COG6: variants seen among roughly 807,000 people sequenced by gnomAD.
COG6 encodes conserved oligomeric Golgi complex subunit 6.
COG6 carries 74 observed loss-of-function variants against 88.8 expected under a neutral mutation model. The observed-to-expected ratio is 0.83, with a 90% CI of 0.69 to 1.01. COG6 has a LOEUF of 1.01. COG6 is among the 50% of genes least tolerant of loss of function. The pLI, the probability that COG6 is intolerant of heterozygous loss-of-function variation, is 0.00. For missense variants in COG6, 800 were observed against 797.9 expected (o/e 1.00, Z -0.03); for synonymous variants, 286 against 278.7 (o/e 1.03, Z -0.26).
intron 18 of COG6, among the ~76,000 whole-genome samples, chr13:39,746,864 C>T (rs371503385): frequency 3.3e-5 from 5 of 151,968 alleles, no homozygotes; most frequent in South Asian, 2.1e-4. Context: ...ATAACTGATA[C>T]GCTTTTATAA....
rs530483381 is a variant in COG6 at position 39,679,999 on chromosome 13, C to T, written c.648C>T (p.Ala216=). The change falls in exon 7 of 19, where the codon GCC becomes GCT. Residue 216 remains alanine (A), a synonymous_variant. Coordinates refer to ENST00000455146, the MANE Select transcript of COG6 (RefSeq NM_020751.3). The stretch of plus-strand genomic sequence containing the variant: ...GTTTAGAAATTATGGAACAGATGGC[C>T]TTACTTCAAGAAACGGCTTATGAAA... The part of the protein sequence containing the change: ...TAGLEIMEQM[A]LLQETAYERL... 3 of 1,581,766 alleles carry T rather than the reference C, an allele frequency of 1.9e-6. No homozygotes were observed. The highest frequency in any genetic ancestry group is 1.1e-5 in the South Asian group (1 of 89,268).
At chr13:39,724,483 C>CCTTTT in intron 16 of COG6, 25 bp from the exon 17 acceptor site, 4 of 1,283,438 alleles carry the variant, frequency 3.1e-6, no homozygotes, top group Non-Finnish European at 3.2e-6. Flanking sequence ...CTTGGATCTG[C>CCTTTT]TTTTTTTTTT....
At chr13:39,772,057 G>C (rs189297354) in intron 18 of COG6, among the ~76,000 whole-genome samples, 16 of 152,322 alleles carry the variant, frequency 1.1e-4, no homozygotes, top group African/African-American at 2.9e-4. Context: ...GCAAGGCCCT[G>C]TCCTGCTGGT....
intron 3 of COG6, among the ~76,000 whole-genome samples, chr13:39,661,468 A>G (rs1443527780): frequency 6.6e-6 from 1 of 152,124 alleles, no homozygotes; most frequent in Non-Finnish European, 1.5e-5. Flanking sequence ...TTATATCTCT[A>G]AGTGTCTCTT....
At chr13:39,788,494 T>C in exon 19 of COG6, 1 of 739,174 alleles carries the variant, frequency 1.4e-6, no homozygotes, top group South Asian at 1.8e-5. Context: ...CTGTCTACTC[T>C]GTGACTCTTC....
intron 13 of COG6, among the ~76,000 whole-genome samples, chr13:39,706,279 T>TATATATATATATA (rs1877917992): frequency 7.8e-5 from 4 of 51,298 alleles, no homozygotes; most frequent in South Asian, 9.3e-4. Context: ...ATATATATAT[T>TATATATATATATA]TAAATATATA....
At position 39,752,506 on chromosome 13, in the gene COG6, G is replaced by C; in HGVS notation, c.*1413G>C. 8.6e-7 allele frequency: 1 copy of C among 1,157,092 alleles called. No homozygotes were observed. 71.7% of individuals were successfully genotyped at this position (1,157,092 alleles called of 1,614,324 possible). On this transcript the variant is annotated 3_prime_UTR_variant, in exon 19 of 19. Transcript: ENST00000455146. Reference sequence around the variant, plus strand: ...AAAGTATAAATCAAGAGCTTAAATTGTATATAATTTATTTCTACAGAGAAA... The same window carrying C: ...AAAGTATAAATCAAGAGCTTAAATTCTATATAATTTATTTCTACAGAGAAA...
At chr13:39,732,722 A>G (rs1313428853) in intron 18 of COG6, among the ~76,000 whole-genome samples, 1 of 152,196 alleles carries the variant, frequency 6.6e-6, no homozygotes, top group Non-Finnish European at 1.5e-5. Context: ...AAAAAATTAA[A>G]AGGCTGGAAA....
chr13:39,752,400 A>G lies in COG6; in HGVS notation c.*1307A>G, dbSNP rs1456056194. 2.0e-6 allele frequency: 2 copies of G among 1,012,406 alleles called. No individual in the cohort carries two copies. The highest frequency in any genetic ancestry group is 1.7e-5 in the African/African-American group (1 of 58,964). The allele number at this position is 1,012,406 out of a possible 1,614,324, so 62.7% of individuals were successfully genotyped here. ...TTTTTGGAGTAAGAATGATTATATA[A>G]TCGTTATCCATTTGGGTATAAATCT... On this transcript the variant is annotated 3_prime_UTR_variant, in exon 19 of 19. Transcript: ENST00000455146.
intron 18 of COG6, among the ~76,000 whole-genome samples, chr13:39,774,370 G>A (rs1464068236): frequency 6.6e-6 from 1 of 152,086 alleles, no homozygotes; most frequent in Non-Finnish European, 1.5e-5. Flanking sequence ...ACAAATATGA[G>A]AACTATATTT....
intron 11 of COG6, 51 bp downstream of exon 11, chr13:39,689,875 A>T (rs773854434): frequency 8.7e-7 from 1 of 1,154,884 alleles, no homozygotes; most frequent in South Asian, 1.3e-5. Context: ...TTAAATTATT[A>T]CCTTATTTAT....
chr13:39,658,965 TG>T (rs1471088029), intron 1 of COG6, among the ~76,000 whole-genome samples: 2 of 152,250 alleles, frequency 1.3e-5, no homozygotes, highest in Non-Finnish European at 2.9e-5. Flanking sequence ...AGTTTTTAAC[TG>T]TTGGTATTAC....
downstream of COG6, among the ~76,000 whole-genome samples, chr13:39,756,934 C>T (rs1880855376): frequency 6.6e-6 from 1 of 152,066 alleles, no homozygotes; most frequent in Non-Finnish European, 1.5e-5. Flanking sequence ...CACCAAAAGA[C>T]TTAAAGAATA....
Position 39,787,021 on chromosome 13 carries a change from T to C in COG6, c.1827-1314T>C, listed in dbSNP as rs551788536. ...GCTTACTGGAAGGGATTTTGAGAAA[T>C]TTACAGATGGGAAATGGAAGGCACC... On this transcript the variant is annotated intron_variant, in intron 18 of 18. Coordinates refer to the COG6 transcript ENST00000416691. Among the ~76,000 whole-genome samples, 4 of 152,242 alleles carry C rather than the reference T, an allele frequency of 2.6e-5. No individual in the cohort carries two copies. The South Asian group carries it at 6.2e-4, about 24-fold the overall frequency.
At chr13:39,775,849 G>T (rs927787739) in intron 18 of COG6, among the ~76,000 whole-genome samples, 1 of 150,652 alleles carries the variant, frequency 6.6e-6, no homozygotes, top group Admixed American at 6.6e-5. Context: ...GGCTCACTGC[G>T]ACCTCTGCCT....
intron 18 of COG6, among the ~76,000 whole-genome samples, chr13:39,741,997 C>G (rs1176733056): frequency 6.6e-6 from 1 of 152,132 alleles, no homozygotes; most frequent in Non-Finnish European, 1.5e-5. Flanking sequence ...CATATCCAGA[C>G]AAACTAAGCT....
chr13:39,669,205 A>G (rs1450352657), intron 4 of COG6, among the ~76,000 whole-genome samples: 4 of 152,230 alleles, frequency 2.6e-5, no homozygotes, highest in Non-Finnish European at 5.9e-5. Flanking sequence ...ATTAGATTGC[A>G]TTTTATAACA....
At chr13:39,775,584 C>T (rs923329702) in intron 18 of COG6, among the ~76,000 whole-genome samples, 1 of 152,090 alleles carries the variant, frequency 6.6e-6, no homozygotes, top group Non-Finnish European at 1.5e-5. Context: ...CAGAAGGCTC[C>T]CTGCTCCCAT....
chr13:39,677,654 C>T (rs976913339), intron 5 of COG6, 75 bp downstream of exon 5: 3 of 765,512 alleles, frequency 3.9e-6, no homozygotes, highest in Non-Finnish European at 6.4e-6. Context: ...TTTTTTGAAG[C>T]TTTATTTTCC....
Sources: allele counts gnomAD v4.1 joint callset (sites outside exome capture counted in the v4.1 genomes callset), GRCh38; gene constraint gnomAD v4.1.1; transcripts MANE v1.5; gene names NCBI Gene and HGNC (gene_info 2026-07-23, HGNC 2026-07-21).